PTCHD1: variants seen among roughly 807,000 people sequenced by gnomAD.
PTCHD1 encodes the protein patched domain-containing protein 1.
PTCHD1 carries 3 observed loss-of-function variants against 34.6 expected under a neutral mutation model. The observed-to-expected ratio is 0.09, with a 90% confidence interval of 0.04 to 0.22. The LOEUF is 0.22. Among genes scored for constraint, PTCHD1 ranks in the 10% least tolerant of loss-of-function variants. The pLI is 1.00. For synonymous variants in PTCHD1, 305 were observed against 283.1 expected (o/e 1.08, Z -0.77); for missense variants, 504 against 685.5 (o/e 0.74, Z 2.96).
At chrX:23,340,204 A>G (rs778729954) in intron 1 of PTCHD1, among the ~76,000 whole-genome samples, 5 of 112,561 alleles carry the variant, frequency 4.4e-5, no homozygotes, top group Non-Finnish European at 9.4e-5. Flanking sequence ...TGTAAAATGA[A>G]AAAATGCCAA....
In PTCHD1 at chrX:23,402,080, A is replaced by T. The variant is rs1286499359; in HGVS notation, c.*7895A>T. Reference sequence around the variant, plus strand: ...GTGGTGAGGAAGAATATATGGGGTGATCCCTCCAAATTGCCAACTCCTCGT... The same window carrying T: ...GTGGTGAGGAAGAATATATGGGGTGTTCCCTCCAAATTGCCAACTCCTCGT... On this transcript the variant is annotated 3_prime_UTR_variant, in exon 3 of 3. Transcript: ENST00000379361. 2 of 111,939 alleles carry T rather than the reference A, an allele frequency of 1.8e-5. No individual in the cohort carries two copies. The highest frequency in any genetic ancestry group is 3.8e-5 in the Non-Finnish European group (2 of 53,206). 9.2% of individuals were successfully genotyped at this position (111,939 alleles called of 1,213,427 possible).
rs7882726 is a variant in PTCHD1 at position 23,342,266 on chromosome X, C to A, written c.351+7040C>A. ...GCATTTTCATATGCTGTGTTTCTCCCTATATATATATATATATATATATAT... is the reference window on the plus strand; with the variant it reads ...GCATTTTCATATGCTGTGTTTCTCCATATATATATATATATATATATATAT... On this transcript the variant is annotated intron_variant, in intron 1 of 2. Coordinates refer to ENST00000379361, the MANE Select transcript of PTCHD1 (RefSeq NM_173495.3). Among the ~76,000 whole-genome samples, 271 of 31,140 alleles carry A rather than the reference C, an allele frequency of 8.7e-3. 5 individuals are homozygous for A. The highest frequency in any genetic ancestry group is 0.019 in the Middle Eastern group (1 of 52). 27.0% of individuals were successfully genotyped at this position (31,140 alleles called of 115,157 possible). A position where few individuals can be genotyped will look rare whatever the true frequency, so the allele number is the denominator to read the frequency against.
chrX:23,355,462 AG>A (rs1482731428), intron 1 of PTCHD1, among the ~76,000 whole-genome samples: 1 of 112,985 alleles, frequency 8.9e-6, no homozygotes, highest in Non-Finnish European at 1.9e-5. Context: ...AACTGAAAAA[AG>A]TTACAAAGCT....
chrX:23,338,085 C>A (rs1308426433), intron 1 of PTCHD1, among the ~76,000 whole-genome samples: 4 of 111,683 alleles, frequency 3.6e-5, no homozygotes, highest in African/African-American at 1.3e-4. Context: ...GATATGATTA[C>A]CATACTCTGA....
intron 1 of PTCHD1, among the ~76,000 whole-genome samples, chrX:23,375,924 A>G (rs745769817): frequency 9.8e-5 from 11 of 112,100 alleles, no homozygotes; most frequent in Middle Eastern, 4.6e-3. Context: ...CAGAGCCTTA[A>G]AACTAATCTC....
intron 1 of PTCHD1, among the ~76,000 whole-genome samples, chrX:23,378,043 C>T (rs981611875): frequency 9.0e-6 from 1 of 111,634 alleles, no homozygotes; most frequent in African/African-American, 3.3e-5. Flanking sequence ...TGAGAGAGTC[C>T]ACTCAGTGCT....
rs1923126987 is a variant in PTCHD1, at chrX:23,401,656, T to A, written c.*7471T>A. ...TGCACACATACACATGCACACCACC[T>A]TTTACAATATGCCTGACACATTTGA... On this transcript the variant is annotated 3_prime_UTR_variant, in exon 3 of 3. Transcript: ENST00000379361. 8.8e-6 allele frequency: 1 copy of A among 113,267 alleles called. No homozygotes were observed. The allele number at this position is 113,267 out of a possible 1,213,427, so 9.3% of individuals were successfully genotyped here.
intron 1 of PTCHD1, among the ~76,000 whole-genome samples, chrX:23,347,335 T>A (rs1268817908): frequency 1.8e-5 from 2 of 112,097 alleles, no homozygotes; most frequent in Non-Finnish European, 3.8e-5. Context: ...TACTACCACA[T>A]CAGCAGAGCT....
chrX:23,346,564 T>TATCTGAA (rs1921483412), intron 1 of PTCHD1, among the ~76,000 whole-genome samples: 1 of 110,935 alleles, frequency 9.0e-6, no homozygotes, highest in East Asian at 2.9e-4. Flanking sequence ...TCTAGAATGA[T>TATCTGAA]CAGATACAAA....
Position 23,335,034 on chromosome X carries a change from G to T in PTCHD1, c.159G>T (p.Glu53Asp). ...GCTACCAGGTCGAGGAGAGCGTGGA[G>T]CACCTGCTGGCGCCCCAGCACAGCC... ...FSRYQVEESVEHLLAPQHSLA... is the reference protein window; with the variant it reads ...FSRYQVEESVDHLLAPQHSLA... The change falls in exon 1 of 3, where the codon GAG (glutamate) becomes GAT (aspartate). Residue 53 changes from glutamate to aspartate, a missense_variant. Glu to Asp is a conservative substitution (Grantham distance 45). Coordinates refer to ENST00000379361, the MANE Select transcript of PTCHD1 (RefSeq NM_173495.3). 1 of 1,211,286 alleles carries T rather than the reference G, an allele frequency of 8.3e-7. No homozygotes were observed. Among genetic ancestry groups the T allele is most frequent in the Non-Finnish European group, 1.1e-6 (1 of 895,227 alleles).
At chrX:23,361,097 G>A (rs1278381252) in intron 1 of PTCHD1, among the ~76,000 whole-genome samples, 5 of 111,934 alleles carry the variant, frequency 4.5e-5, no homozygotes, top group African/African-American at 1.6e-4. Context: ...AATAAATGTG[G>A]TGTGGTGCTG....
chrX:23,347,662 A>C (rs1921512419), intron 1 of PTCHD1, among the ~76,000 whole-genome samples: 1 of 111,888 alleles, frequency 8.9e-6, no homozygotes, highest in African/African-American at 3.3e-5. Context: ...AAACATCAAA[A>C]TCAGACTCGG....
intron 2 of PTCHD1, among the ~76,000 whole-genome samples, chrX:23,382,866 C>A (rs1430978733): frequency 8.9e-6 from 1 of 112,325 alleles, no homozygotes; most frequent in African/African-American, 3.2e-5. Context: ...ACACTTTGCA[C>A]GATGTAATGG....
rs1221078594 is a variant in PTCHD1, at chrX:23,395,972, A to G, written c.*1787A>G. 1 of 112,117 alleles carries G rather than the reference A, an allele frequency of 8.9e-6. No individual in the cohort carries two copies. The highest frequency in any genetic ancestry group is 1.9e-5 in the Non-Finnish European group (1 of 53,223). 9.2% of individuals were successfully genotyped at this position (112,117 alleles called of 1,213,427 possible). ...AAGACAGGGCAGTCCAATTTTCAGT[A>G]TTCTCATAAGATGGCTATTACTCCT... On this transcript the variant is annotated 3_prime_UTR_variant, in exon 3 of 3. Coordinates refer to ENST00000379361, the MANE Select transcript of PTCHD1 (RefSeq NM_173495.3).
rs1922991413 is a variant in PTCHD1 at position 23,396,420 on chromosome X, G to A, written c.*2235G>A. 1 of 112,132 alleles carries A rather than the reference G, an allele frequency of 8.9e-6. No individual in the cohort carries two copies. The highest frequency in any genetic ancestry group is 9.5e-5 in the Admixed American group (1 of 10,572). 9.2% of individuals were successfully genotyped at this position (112,132 alleles called of 1,213,427 possible). On this transcript the variant is annotated 3_prime_UTR_variant, in exon 3 of 3. Transcript: ENST00000379361. ...AGGCTATTATTCATAAAACACAACTGAAGAGGGGATTGGTTTTACTGTTAA... is the reference window on the plus strand; with the variant it reads ...AGGCTATTATTCATAAAACACAACTAAAGAGGGGATTGGTTTTACTGTTAA...
At chrX:23,382,128 C>T (rs776986246) in intron 2 of PTCHD1, among the ~76,000 whole-genome samples, 1 of 111,386 alleles carries the variant, frequency 9.0e-6, no homozygotes, top group South Asian at 3.8e-4. Flanking sequence ...CAAAAGGACG[C>T]CGGAGCTAGA....
At chrX:23,386,818 T>C (rs376599752) in intron 2 of PTCHD1, among the ~76,000 whole-genome samples, 7 of 112,881 alleles carry the variant, frequency 6.2e-5, no homozygotes, top group African/African-American at 2.3e-4. Flanking sequence ...AACAGCTTCA[T>C]TGACTCATGA....
chrX:23,345,059 A>G (rs1174311958), intron 1 of PTCHD1, among the ~76,000 whole-genome samples: 1 of 111,902 alleles, frequency 8.9e-6, no homozygotes, highest in African/African-American at 3.2e-5. Context: ...GTCCTTTGAA[A>G]CTGGAATGTT....
At chrX:23,356,762 G>A (rs1921816034) in intron 1 of PTCHD1, among the ~76,000 whole-genome samples, 1 of 111,890 alleles carries the variant, frequency 8.9e-6, no homozygotes, top group African/African-American at 3.3e-5. Flanking sequence ...GACAAATATG[G>A]GATTTCCAGG....
Sources: gnomAD v4.1 joint callset for allele counts (sites outside exome capture counted in the v4.1 genomes callset) on GRCh38, gnomAD v4.1.1 for gene constraint, MANE v1.5 for transcripts, NCBI Gene and HGNC (gene_info 2026-07-23, HGNC 2026-07-21) for gene names.